The following CSMD1 variants were observed in gnomAD, a reference collection of about 807,000 sequenced individuals.
CSMD1 encodes the protein CUB and sushi domain-containing protein 1.
A neutral mutation model predicts 417.5 loss-of-function variants in CSMD1; 213 were observed. That is an observed-to-expected ratio of 0.51 (90% CI 0.46 to 0.57). The LOEUF (loss-of-function observed/expected upper bound fraction) is 0.57. Ranked by LOEUF, CSMD1 falls within the 20% of genes least tolerant of loss-of-function variation. The probability of loss-of-function intolerance (pLI) is 0.00; values close to 1 mark genes in which losing one functional copy is unlikely to be tolerated. For synonymous variants in CSMD1, 2,862 were observed against 1,736.8 expected, an observed-to-expected ratio of 1.65 and a Z score of -16.11; for missense variants, 6,923 against 4,529.7, an observed-to-expected ratio of 1.53 and a Z score of -15.17.
intron 7 of CSMD1, among the ~76,000 whole-genome samples, chr8:3,666,465 A>C (rs992712148): frequency 2.0e-5 from 3 of 151,410 alleles, no homozygotes; most frequent in Non-Finnish European, 3.0e-5. Flanking sequence ...ATCACGATTG[A>C]TCCTTGCTGT....
At chr8:4,788,292 G>C (rs1238700072) in intron 1 of CSMD1, 2 of 1,586,800 alleles carry the variant, frequency 1.3e-6, no homozygotes, top group Non-Finnish European at 1.7e-6. Context: ...ATTTGTGGCA[G>C]TGGCAGGCAG....
At chr8:3,911,098 G>A (rs1368514621) in intron 5 of CSMD1, among the ~76,000 whole-genome samples, 1 of 152,130 alleles carries the variant, frequency 6.6e-6, no homozygotes, top group Non-Finnish European at 1.5e-5. Context: ...AATCACCTTG[G>A]CAGCTGTGGT....
chr8:4,261,665 C>T (rs1315935321), intron 3 of CSMD1, among the ~76,000 whole-genome samples: 1 of 152,102 alleles, frequency 6.6e-6, no homozygotes, highest in Non-Finnish European at 1.5e-5. Context: ...CCACCTCGGC[C>T]TCCCAAAATG....
intron 10 of CSMD1, among the ~76,000 whole-genome samples, chr8:3,555,715 ATTT>A (rs1367601846): frequency 6.6e-6 from 1 of 152,196 alleles, no homozygotes; most frequent in Non-Finnish European, 1.5e-5. Flanking sequence ...TGTCTATCAT[ATTT>A]GAGTTTTCTG....
intron 54 of CSMD1, among the ~76,000 whole-genome samples, chr8:2,989,861 C>T (rs75031764): frequency 0.037 from 5,630 of 152,242 alleles, 132 homozygotes; most frequent in African/African-American, 0.043. Context: ...TTGGGTGAGT[C>T]TTCCTAGCTA....
Position 4,599,282 on chromosome 8 carries a change from A to G in CSMD1, c.302+38060T>C, listed in dbSNP as rs553717285. On this transcript the variant is annotated intron_variant, in intron 2 of 69. Coordinates refer to ENST00000635120, the MANE Select transcript of CSMD1 (RefSeq NM_033225.6). Reference sequence around the variant, plus strand: ...GTCCAAGCAAGGAGATAAACTGTATACTGTGGTGGATCATGTGGCTTCATT... The same window carrying G: ...GTCCAAGCAAGGAGATAAACTGTATGCTGTGGTGGATCATGTGGCTTCATT... Among the ~76,000 whole-genome samples the G allele has an allele frequency of 1.2e-4, 19 of 152,300 alleles. No individual in the cohort carries two copies. In the East Asian group the frequency reaches 3.3e-3, roughly 26 times the overall value.
At chr8:3,233,098 T>C (rs1245978511) in intron 26 of CSMD1, among the ~76,000 whole-genome samples, 1 of 152,182 alleles carries the variant, frequency 6.6e-6, no homozygotes, top group East Asian at 1.9e-4. Flanking sequence ...TTCATTTTTT[T>C]TTTCTGAGTT....
intron 25 of CSMD1, among the ~76,000 whole-genome samples, chr8:3,292,394 G>C (rs558277845): frequency 2.0e-4 from 30 of 152,198 alleles, no homozygotes; most frequent in African/African-American, 6.0e-4. Context: ...TTAACTTTCT[G>C]TCTCGTTGAT....
chr8:4,958,835 A>C (rs1427998554), intron 1 of CSMD1, among the ~76,000 whole-genome samples: 1 of 152,212 alleles, frequency 6.6e-6, no homozygotes, highest in African/African-American at 2.4e-5. Context: ...AAGTGTCTAA[A>C]AAATGCATGT....
At chr8:4,721,163 C>G (rs979778328) in intron 1 of CSMD1, among the ~76,000 whole-genome samples, 2 of 152,128 alleles carry the variant, frequency 1.3e-5, no homozygotes, top group Non-Finnish European at 1.5e-5. Flanking sequence ...AAAGACTAAT[C>G]AAATTAAACT....
chr8:4,826,349 T>C (rs1799825789), intron 1 of CSMD1, among the ~76,000 whole-genome samples: 1 of 152,162 alleles, frequency 6.6e-6, no homozygotes, highest in Non-Finnish European at 1.5e-5. Flanking sequence ...CATATATAAT[T>C]ACAGCTTTTT....
In CSMD1 at chr8:4,720,748, A is replaced by C. The variant is rs574655395; in HGVS notation, c.86-83190T>G. Among the ~76,000 whole-genome samples, 39 of 152,288 alleles carry C rather than the reference A, an allele frequency of 2.6e-4. 2 individuals carry two copies. In the East Asian group the frequency reaches 7.1e-3, roughly 28 times the overall value. Reference sequence around the variant, plus strand: ...AATAATTTTCTTATTTGGAATATTTATAAAGTTTCTGAAAAATCATCTTGG... The same window carrying C: ...AATAATTTTCTTATTTGGAATATTTCTAAAGTTTCTGAAAAATCATCTTGG... On this transcript the variant is annotated intron_variant, in intron 1 of 69. Coordinates refer to ENST00000635120, the MANE Select transcript of CSMD1 (RefSeq NM_033225.6).
At chr8:3,953,042 T>A (rs1320954607) in intron 5 of CSMD1, among the ~76,000 whole-genome samples, 1 of 151,896 alleles carries the variant, frequency 6.6e-6, no homozygotes, top group East Asian at 1.9e-4. Context: ...AAGACAAAAT[T>A]ATAATCAATG....
intron 33 of CSMD1, among the ~76,000 whole-genome samples, chr8:3,193,959 T>G (rs1796563719): frequency 6.6e-6 from 1 of 152,184 alleles, no homozygotes; most frequent in Admixed American, 6.5e-5. Context: ...AAAATAAATC[T>G]GAGTGCATGT....
chr8:3,129,214 G>A (rs1223206690), intron 41 of CSMD1, among the ~76,000 whole-genome samples: 1 of 152,138 alleles, frequency 6.6e-6, no homozygotes, highest in African/African-American at 2.4e-5. Context: ...AAAGGGAAAG[G>A]GGATTTATGG....
chr8:3,328,123 A>G (rs1806653835), intron 23 of CSMD1, among the ~76,000 whole-genome samples: 1 of 152,124 alleles, frequency 6.6e-6, no homozygotes, highest in Non-Finnish European at 1.5e-5. Context: ...TGCTATTGTG[A>G]TTCAATGTCA....
chr8:4,436,146 T>C (rs751306085), intron 2 of CSMD1, among the ~76,000 whole-genome samples: 2 of 152,138 alleles, frequency 1.3e-5, no homozygotes, highest in African/African-American at 2.4e-5. Context: ...ATAGAAGTCA[T>C]AGATATTGAG....
intron 26 of CSMD1, among the ~76,000 whole-genome samples, chr8:3,241,118 C>A (rs141034411): frequency 0.4 from 60,673 of 149,962 alleles, 13,105 homozygotes; most frequent in Admixed American, 0.49. Context: ...GGAAGAAGGG[C>A]GGCAATGAGA....
intron 1 of CSMD1, among the ~76,000 whole-genome samples, chr8:4,899,328 G>C (rs980899737): frequency 5.2e-5 from 4 of 76,458 alleles, no homozygotes; most frequent in African/African-American, 2.4e-4. Context: ...TAAAATTGAA[G>C]TGGCATACAC....
Sources: gnomAD v4.1 joint callset for allele counts (sites outside exome capture counted in the v4.1 genomes callset) on GRCh38, gnomAD v4.1.1 for gene constraint, MANE v1.5 for transcripts, NCBI Gene and HGNC (gene_info 2026-07-23, HGNC 2026-07-21) for gene names.